The following PDGFD variants were observed in gnomAD, a reference collection of about 807,000 sequenced individuals.
PDGFD encodes the protein platelet-derived growth factor D.
PDGFD carries 30 observed loss-of-function variants against 44.7 expected under a neutral mutation model. The observed-to-expected ratio is 0.67, with a 90% confidence interval of 0.50 to 0.91. The LOEUF (loss-of-function observed/expected upper bound fraction) is 0.91, where lower values mean the gene tolerates loss of function less well. PDGFD is among the 40% of genes least tolerant of loss of function. The pLI, the probability that PDGFD is intolerant of heterozygous loss-of-function variation, is 0.00. For synonymous variants in PDGFD, 173 were observed against 168.4 expected (o/e 1.03, Z -0.21); for missense variants, 445 against 457.8 (o/e 0.97, Z 0.25).
intron 1 of PDGFD, among the ~76,000 whole-genome samples, chr11:104,029,085 T>C (rs968440877): frequency 4.6e-5 from 7 of 152,276 alleles, no homozygotes; most frequent in South Asian, 2.1e-4. Context: ...CTGAGTGAGA[T>C]AGAATATTCA....
intron 1 of PDGFD, among the ~76,000 whole-genome samples, chr11:104,088,917 G>A (rs1861172231): frequency 3.1e-5 from 1 of 32,518 alleles, no homozygotes; most frequent in Non-Finnish European, 6.7e-5. Flanking sequence ...ACAACAAAGT[G>A]GGATGGGGGA....
At chr11:104,004,030 A>G (rs1425202450) in intron 1 of PDGFD, among the ~76,000 whole-genome samples, 1 of 152,244 alleles carries the variant, frequency 6.6e-6, no homozygotes, top group African/African-American at 2.4e-5. Flanking sequence ...AGAACTTGGT[A>G]ATAACAAAGT....
intron 1 of PDGFD, among the ~76,000 whole-genome samples, chr11:104,015,061 T>C (rs922090400): frequency 6.6e-6 from 1 of 152,170 alleles, no homozygotes. Context: ...AAGATAGAAC[T>C]TACTATTCCC....
intron 1 of PDGFD, chr11:104,036,982 CTCA>C: frequency 1.2e-6 from 2 of 1,614,250 alleles, no homozygotes; most frequent in Non-Finnish European, 1.7e-6. Flanking sequence ...GGAGCGACTC[CTCA>C]TCGAGGACCA....
intron 1 of PDGFD, among the ~76,000 whole-genome samples, chr11:104,142,483 G>A (rs1475917330): frequency 6.6e-6 from 1 of 152,064 alleles, no homozygotes; most frequent in South Asian, 2.1e-4. Context: ...TATTAGAGAT[G>A]ATCTAATAGA....
At chr11:103,979,767 T>C (rs576209395) in intron 3 of PDGFD, among the ~76,000 whole-genome samples, 2 of 152,164 alleles carry the variant, frequency 1.3e-5, no homozygotes, top group Admixed American at 6.6e-5. Flanking sequence ...TTTGCCATTC[T>C]GCCTATAGCT....
At chr11:104,136,475 C>A (rs1862006071) in intron 1 of PDGFD, among the ~76,000 whole-genome samples, 1 of 151,970 alleles carries the variant, frequency 6.6e-6, no homozygotes, top group Admixed American at 6.6e-5. Context: ...AAAACAAATG[C>A]CAATTAAAGA....
At chr11:103,972,744 T>C (rs979244101) in intron 3 of PDGFD, among the ~76,000 whole-genome samples, 4 of 152,160 alleles carry the variant, frequency 2.6e-5, no homozygotes, top group Non-Finnish European at 4.4e-5. Flanking sequence ...AAGAAAAACA[T>C]TTACCTGGAA....
Position 103,959,180 on chromosome 11 carries a change from A to T in PDGFD, c.511-11456T>A, listed in dbSNP as rs1326828440. Among the ~76,000 whole-genome samples the T allele has an allele frequency of 5.3e-5, 8 of 152,296 alleles. 1 individual carries two copies. The South Asian group carries it at 1.2e-3, about 24-fold the overall frequency. On this transcript the variant is annotated intron_variant, in intron 3 of 6. Coordinates refer to ENST00000393158, the MANE Select transcript of PDGFD (RefSeq NM_025208.5). ...TAGTGAGGTGACTTTGCGTTGTGAC[A>T]CCTTTTCCCTCTACACATTCATCCT...
At chr11:103,932,042 A>G (rs1038836338) in intron 5 of PDGFD, among the ~76,000 whole-genome samples, 1 of 152,182 alleles carries the variant, frequency 6.6e-6, no homozygotes, top group African/African-American at 2.4e-5. Flanking sequence ...AGCTCAAGTC[A>G]AAAGGCATAT....
intron 1 of PDGFD, among the ~76,000 whole-genome samples, chr11:104,000,717 A>G (rs1310585661): frequency 6.6e-6 from 1 of 152,148 alleles, no homozygotes; most frequent in African/African-American, 2.4e-5. Flanking sequence ...GACTAACAAC[A>G]ATCTCAGAAC....
chr11:104,164,046 C>G lies in PDGFD; in HGVS notation c.-119G>C. 8.5e-7 allele frequency: 1 copy of G among 1,182,010 alleles called. No homozygotes were observed. The highest frequency in any genetic ancestry group is 1.1e-6 in the Non-Finnish European group (1 of 884,156). 73.2% of individuals were successfully genotyped at this position (1,182,010 alleles called of 1,614,324 possible). A position where few individuals can be genotyped will look rare whatever the true frequency, so the allele number is the denominator to read the frequency against. On this transcript the variant is annotated 5_prime_UTR_variant, in exon 1 of 7. Transcript: ENST00000393158. ...GCGCTCGCCCTGCGCTGGCCCGGGT[C>G]GCTGTGCTAATCGCCGAGCTCTCCC...
chr11:103,974,146 T>G (rs765317361), intron 3 of PDGFD, among the ~76,000 whole-genome samples: 1 of 152,066 alleles, frequency 6.6e-6, no homozygotes, highest in Non-Finnish European at 1.5e-5. Flanking sequence ...GGGAAGATAT[T>G]AAGGAGTTAG....
intron 3 of PDGFD, among the ~76,000 whole-genome samples, chr11:103,991,910 G>T (rs953363433): frequency 6.6e-6 from 1 of 152,152 alleles, no homozygotes; most frequent in Non-Finnish European, 1.5e-5. Context: ...TCATACCCTT[G>T]TTTGTTCAGT....
chr11:103,914,421 T>G (rs2408808), intron 6 of PDGFD, among the ~76,000 whole-genome samples: 69,614 of 151,904 alleles, frequency 0.46, 16,055 homozygotes, highest in South Asian at 0.49. Flanking sequence ...TCCCTGAATA[T>G]ACCAGTAACA....
chr11:103,996,694 A>G (rs1421217541), intron 2 of PDGFD, among the ~76,000 whole-genome samples: 1 of 152,242 alleles, frequency 6.6e-6, no homozygotes, highest in African/African-American at 2.4e-5. Context: ...AATGACCTAT[A>G]TCTATATAGC....
rs182487905 is a variant in PDGFD at position 103,911,529 on chromosome 11, T to C, written c.988-1710A>G. On this transcript the variant is annotated intron_variant, in intron 6 of 6. Transcript: ENST00000393158. ...AACCAAAAAGATGGGGAAAAACCAGTGCAGAAACACTGAAAATTCCAAAAA... is the reference window on the plus strand; with the variant it reads ...AACCAAAAAGATGGGGAAAAACCAGCGCAGAAACACTGAAAATTCCAAAAA... Among the ~76,000 whole-genome samples the C allele has an allele frequency of 1.5e-3, 222 of 152,122 alleles. 1 individual carries two copies. Among genetic ancestry groups the C allele is most frequent in the African/African-American group, 5.2e-3 (214 of 41,524 alleles).
intron 1 of PDGFD, among the ~76,000 whole-genome samples, chr11:104,022,040 C>T (rs544862814): frequency 3.2e-4 from 49 of 152,006 alleles, no homozygotes; most frequent in African/African-American, 1.1e-3. Flanking sequence ...TAGCAAAGGA[C>T]AAAAAGAGAA....
At chr11:103,938,075 G>C (rs1858520852) in intron 5 of PDGFD, among the ~76,000 whole-genome samples, 2 of 151,692 alleles carry the variant, frequency 1.3e-5, no homozygotes, top group Non-Finnish European at 2.9e-5. Flanking sequence ...ACCCAGTAAT[G>C]GGATGGCTGG....
Sources: allele counts gnomAD v4.1 joint callset (sites outside exome capture counted in the v4.1 genomes callset), GRCh38; gene constraint gnomAD v4.1.1; transcripts MANE v1.5; gene names NCBI Gene and HGNC (gene_info 2026-07-23, HGNC 2026-07-21).